SMURF1: variants seen among roughly 807,000 people sequenced by gnomAD.
SMURF1 encodes E3 ubiquitin-protein ligase SMURF1.
Under a neutral mutation model 98.0 loss-of-function variants are expected in SMURF1, and 44 were observed. That is an observed-to-expected ratio of 0.45 (90% confidence interval 0.35 to 0.58). The LOEUF (loss-of-function observed/expected upper bound fraction) is 0.58. Ranked by LOEUF, SMURF1 falls within the 20% of genes least tolerant of loss-of-function variation. The pLI is 0.00. For missense variants in SMURF1, 687 were observed against 938.4 expected, an observed-to-expected ratio of 0.73 and a Z score of 3.50; for synonymous variants, 396 against 374.9, an observed-to-expected ratio of 1.06 and a Z score of -0.65.
intron 1 of SMURF1, 102 bp downstream of exon 1, chr7:99,143,624 A>T: frequency 1.0e-6 from 1 of 972,876 alleles, no homozygotes; most frequent in Non-Finnish European, 1.4e-6. Flanking sequence ...TCCTGGGACA[A>T]CGGCCGGCGT....
At chr7:99,116,926 C>T (rs1797468848) in intron 1 of SMURF1, among the ~76,000 whole-genome samples, 1 of 152,166 alleles carries the variant, frequency 6.6e-6, no homozygotes, top group East Asian at 1.9e-4. Flanking sequence ...GGGGGACTCA[C>T]ACTTCCTATT....
In SMURF1 at chr7:99,143,727, T is replaced by C; in HGVS notation, c.54A>G (p.Thr18=). 1 of 1,559,126 alleles carries C rather than the reference T, an allele frequency of 6.4e-7. No homozygotes were observed. The highest frequency in any genetic ancestry group is 8.7e-7 in the Non-Finnish European group (1 of 1,155,680). The change falls in exon 1 of 18, where the codon ACA becomes ACG. Residue 18 remains threonine (T), a splice_region_variant and synonymous_variant. Coordinates refer to ENST00000361368, the MANE Select transcript of SMURF1 (RefSeq NM_181349.3). ...GGGTGGGCCTCCCGCCGGCCGTACC[T>C]GTCAGACGGATCTTGATGCTGGAGC... ...RNGSSIKIRL[T]VLCAKNLAKK... is the part of the protein sequence containing the mutation.
rs1795898574 is a variant in SMURF1 at position 99,057,213 on chromosome 7, T to C, written c.395A>G (p.Gln132Arg). The C allele has an allele frequency of 1.2e-6, 2 of 1,613,844 alleles. No individual in the cohort carries two copies. The highest frequency in any genetic ancestry group is 1.1e-5 in the South Asian group (1 of 91,078). The change falls in exon 5 of 18, where the codon CAG (glutamine) becomes CGG (arginine). Residue 132 changes from glutamine (Q) to arginine (R), a missense_variant. Physicochemically the swap from Gln to Arg is conservative, Grantham distance 43. Around this residue, in one of 2 missense-constraint regions of SMURF1, gnomAD observed 415 missense variants for 508.4 expected, o/e 0.82. Transcript: ENST00000361368. The stretch of plus-strand genomic sequence containing the variant: ...GACAAGAAAGTTCTTACCCACTATC[T>C]GGCCACGAACTGCATCAGTATCTGA... ...NPSDTDAVRGQIVVSLQTRDR... is the reference protein window; with the variant it reads ...NPSDTDAVRGRIVVSLQTRDR...
intron 11 of SMURF1, among the ~76,000 whole-genome samples, chr7:99,044,472 A>G (rs1290521350): frequency 6.6e-6 from 1 of 152,254 alleles, no homozygotes; most frequent in Non-Finnish European, 1.5e-5. Context: ...GTAGACAAGC[A>G]TAGGAGACTG....
At chr7:99,114,904 A>G (rs1018044699) in intron 1 of SMURF1, among the ~76,000 whole-genome samples, 8 of 152,184 alleles carry the variant, frequency 5.3e-5, no homozygotes, top group Non-Finnish European at 1.2e-4. Context: ...AGGTCAAGAA[A>G]AAAATGACAA....
chr7:99,065,792 A>C (rs1246779073), intron 1 of SMURF1, among the ~76,000 whole-genome samples: 1 of 152,086 alleles, frequency 6.6e-6, no homozygotes, highest in African/African-American at 2.4e-5. Context: ...TTACGCCTGT[A>C]ATCCCAGCAC....
intron 1 of SMURF1, among the ~76,000 whole-genome samples, chr7:99,082,426 C>T (rs556395860): frequency 3.3e-5 from 5 of 152,318 alleles, no homozygotes; most frequent in African/African-American, 7.2e-5. Context: ...CATTCTTTTA[C>T]ATGTGTATAT....
intron 17 of SMURF1, among the ~76,000 whole-genome samples, chr7:99,032,529 T>C (rs1045228908): frequency 6.6e-6 from 1 of 151,928 alleles, no homozygotes; most frequent in Non-Finnish European, 1.5e-5. Context: ...ATTAGCCAAG[T>C]GTGGTGGCGT....
intron 1 of SMURF1, among the ~76,000 whole-genome samples, chr7:99,109,999 A>C (rs940679812): frequency 6.6e-6 from 1 of 152,226 alleles, no homozygotes. Flanking sequence ...GGATGCACTA[A>C]TGACTCAACA....
chr7:99,110,795 A>G (rs540810519), intron 1 of SMURF1, among the ~76,000 whole-genome samples: 2 of 152,364 alleles, frequency 1.3e-5, no homozygotes, highest in African/African-American at 4.8e-5. Flanking sequence ...TCACTGAGGA[A>G]CAAAGGCCTG....
At chr7:99,059,694 G>A (rs1635990) in intron 3 of SMURF1, among the ~76,000 whole-genome samples, 97,310 of 151,548 alleles carry the variant, frequency 0.64, 33,352 homozygotes, top group African/African-American at 0.91. Flanking sequence ...TGGATCATGA[G>A]GTCAGGAGTT....
intron 1 of SMURF1, among the ~76,000 whole-genome samples, chr7:99,125,703 G>T (rs144471443): frequency 5.3e-5 from 8 of 152,266 alleles, no homozygotes; most frequent in South Asian, 2.1e-4. Flanking sequence ...TGGAACCCAG[G>T]CCACTTGCCT....
intron 1 of SMURF1, among the ~76,000 whole-genome samples, chr7:99,139,025 T>A (rs571147683): frequency 5.9e-5 from 9 of 152,340 alleles, no homozygotes; most frequent in African/African-American, 1.9e-4. Flanking sequence ...GCAACTGTGT[T>A]ATATGGTTTT....
At chr7:99,030,756 C>CAGTG in intron 17 of SMURF1, 73 bp from the exon 18 acceptor site, 1 of 1,154,834 alleles carries the variant, frequency 8.7e-7, no homozygotes, top group Non-Finnish European at 1.3e-6. Context: ...CAAGGACAGG[C>CAGTG]AGTGAGAAGT....
intron 1 of SMURF1, among the ~76,000 whole-genome samples, chr7:99,116,241 A>G (rs1797447898): frequency 4.5e-4 from 1 of 2,238 alleles, no homozygotes; most frequent in African/African-American, 4.8e-4. Context: ...CATTCATGAT[A>G]AAAATATCAA....
At chr7:99,090,890 C>T (rs1406353076) in intron 1 of SMURF1, among the ~76,000 whole-genome samples, 1 of 152,138 alleles carries the variant, frequency 6.6e-6, no homozygotes, top group African/African-American at 2.4e-5. Flanking sequence ...GGGTGTAATC[C>T]TACAGAGAAG....
chr7:99,051,829 TC>T (rs1371133992), intron 7 of SMURF1, among the ~76,000 whole-genome samples: 4 of 152,158 alleles, frequency 2.6e-5, no homozygotes, highest in Non-Finnish European at 4.4e-5. Flanking sequence ...CACGCAAACA[TC>T]CGCACTTATG....
At chr7:99,035,432 A>G in intron 16 of SMURF1, 83 bp downstream of exon 16, 1 of 1,505,936 alleles carries the variant, frequency 6.6e-7, no homozygotes, top group Non-Finnish European at 9.1e-7. Flanking sequence ...ATCTCAGAAA[A>G]ACATCCCAGC....
intron 1 of SMURF1, among the ~76,000 whole-genome samples, chr7:99,082,158 A>C (rs1174818897): frequency 3.3e-5 from 5 of 152,220 alleles, no homozygotes; most frequent in African/African-American, 7.2e-5. Context: ...TGGAGTTGTA[A>C]GGGTTCTTTA....
Sources: allele counts gnomAD v4.1 joint callset (sites outside exome capture counted in the v4.1 genomes callset), GRCh38; gene constraint gnomAD v4.1.1; regional missense constraint gnomAD v4.1.1; transcripts MANE v1.5; gene names NCBI Gene and HGNC (gene_info 2026-07-23, HGNC 2026-07-21).